ACTR8: variants seen among roughly 807,000 people sequenced by gnomAD.
ACTR8 encodes the protein actin-related protein 8.
A neutral mutation model predicts 84.3 loss-of-function variants in ACTR8; 70 were observed. The observed-to-expected ratio is 0.83, with a 90% confidence interval of 0.68 to 1.01. ACTR8 has a LOEUF of 1.01. Among genes scored for constraint, ACTR8 ranks in the 50% least tolerant of loss-of-function variants. The pLI is 0.00. For synonymous variants in ACTR8, 268 were observed against 275.2 expected, an observed-to-expected ratio of 0.97 and a Z score of 0.26; for missense variants, 672 against 775.4, an observed-to-expected ratio of 0.87 and a Z score of 1.58.
downstream of ACTR8, chr3:53,865,381 C>T: frequency 1.6e-6 from 2 of 1,212,258 alleles, no homozygotes; most frequent in Non-Finnish European, 2.3e-6. Flanking sequence ...GTGTGATGAT[C>T]CTGAAGCTTA....
chr3:53,863,416 C>T (rs1258683421), downstream of ACTR8, among the ~76,000 whole-genome samples: 1 of 152,124 alleles, frequency 6.6e-6, no homozygotes, highest in Non-Finnish European at 1.5e-5. Flanking sequence ...CTCCTCTTCT[C>T]CATATGTAGG....
In ACTR8 at chr3:53,882,118, C is replaced by T; in HGVS notation, c.-17G>A. 1.9e-6 allele frequency: 3 copies of T among 1,551,192 alleles called. No individual in the cohort carries two copies. Among genetic ancestry groups the T allele is most frequent in the East Asian group, 2.4e-5 (1 of 40,900 alleles). Reference sequence around the variant, plus strand: ...CTGGGTCATTATGGCCGGAGACACCCACCAACCTCTCGCCTCAGCGCTGCA... The same window carrying T: ...CTGGGTCATTATGGCCGGAGACACCTACCAACCTCTCGCCTCAGCGCTGCA... On this transcript the variant is annotated 5_prime_UTR_variant, in exon 1 of 13. Coordinates refer to ENST00000335754, the MANE Select transcript of ACTR8 (RefSeq NM_022899.5).
At chr3:53,878,988 ACT>A (rs2107074154) in intron 2 of ACTR8, among the ~76,000 whole-genome samples, 2 of 152,176 alleles carry the variant, frequency 1.3e-5, no homozygotes, top group South Asian at 4.1e-4. Context: ...TATTTCAGAG[ACT>A]CTTCCATACA....
At chr3:53,860,778 G>GA in the ACTR8 span, 2 of 151,910 alleles carry the variant, frequency 1.3e-5, no homozygotes, top group Non-Finnish European at 2.9e-5. Flanking sequence ...AAAAAATGAA[G>GA]AAAAAGGTAT....
chr3:53,860,165 C>T, the ACTR8 span: 1 of 1,614,130 alleles, frequency 6.2e-7, no homozygotes, highest in Non-Finnish European at 8.5e-7. Flanking sequence ...GCCTCTCCTC[C>T]TGCTGTCTCT....
chr3:53,881,544 C>G lies in ACTR8; in HGVS notation c.123+435G>C. On this transcript the variant is annotated intron_variant, in intron 1 of 12. Coordinates refer to ENST00000335754, the MANE Select transcript of ACTR8 (RefSeq NM_022899.5). ...GAGATTTCCTTAACAAAGGAAAAAG[C>G]CTGGACCCCAAACTATCCCTTAACA... The G allele has an allele frequency of 1.7e-5, 4 of 232,896 alleles. No individual in the cohort carries two copies. In the South Asian group the frequency reaches 2.0e-4, roughly 12 times the overall value. The allele number at this position is 232,896 out of a possible 1,614,324, so 14.4% of individuals were successfully genotyped here.
At chr3:53,874,830 G>A (rs1699942214) in intron 7 of ACTR8, among the ~76,000 whole-genome samples, 1 of 152,148 alleles carries the variant, frequency 6.6e-6, no homozygotes, top group Non-Finnish European at 1.5e-5. Flanking sequence ...TGAATGGATG[G>A]AAGAAGGGAG....
chr3:53,878,894 C>G (rs1700017174), intron 2 of ACTR8, among the ~76,000 whole-genome samples: 1 of 152,202 alleles, frequency 6.6e-6, no homozygotes, highest in South Asian at 2.1e-4. Flanking sequence ...CACTATAAAA[C>G]AACTATATGC....
downstream of ACTR8, chr3:53,865,649 A>G (rs1470573901): frequency 5.4e-6 from 1 of 186,144 alleles, no homozygotes; most frequent in Non-Finnish European, 1.1e-5. Flanking sequence ...TGTTTAGCTA[A>G]TATTCTATGT....
intron 8 of ACTR8, 78 bp downstream of exon 8, chr3:53,874,133 A>G (rs370519235): frequency 4.1e-6 from 6 of 1,477,898 alleles, no homozygotes; most frequent in East Asian, 4.9e-5. Flanking sequence ...CAATGCTGTT[A>G]CATTTTTAAG....
At chr3:53,871,533 C>A in intron 10 of ACTR8, 37 bp from the exon 11 acceptor site, 1 of 1,608,472 alleles carries the variant, frequency 6.2e-7, no homozygotes, top group Non-Finnish European at 8.5e-7. Context: ...TGTGGTATTA[C>A]AACAACAGAA....
chr3:53,864,736 CCT>C (rs1182404888), downstream of ACTR8: 1 of 1,583,920 alleles, frequency 6.3e-7, no homozygotes, highest in African/African-American at 1.3e-5. Context: ...ATGCTTTTCT[CCT>C]CTCACAGAAA....
At chr3:53,866,024 A>AAAT (rs1699768962), downstream of ACTR8, among the ~76,000 whole-genome samples, 1 of 152,268 alleles carries the variant, frequency 6.6e-6, no homozygotes, top group Non-Finnish European at 1.5e-5. Context: ...TTCATGTTCA[A>AAAT]AATGAAAATA....
chr3:53,878,587 T>C, intron 2 of ACTR8, 120 bp from the exon 3 acceptor site: 1 of 687,690 alleles, frequency 1.5e-6, no homozygotes, highest in Non-Finnish European at 2.6e-6. Context: ...TAGCGTTTCC[T>C]TAATCTTTAT....
intron 9 of ACTR8, among the ~76,000 whole-genome samples, 162 bp downstream of exon 9, chr3:53,872,870 C>T (rs1371915470): frequency 6.6e-6 from 1 of 152,180 alleles, no homozygotes; most frequent in African/African-American, 2.4e-5. Context: ...TCTTCAGATC[C>T]ATTCTAGTCT....
chr3:53,871,462 G>A lies in ACTR8; in HGVS notation c.1337C>T (p.Ser446Phe). 1 of 1,614,182 alleles carries A rather than the reference G, an allele frequency of 6.2e-7. No homozygotes were observed. Among genetic ancestry groups the A allele is most frequent in the Non-Finnish European group, 8.5e-7 (1 of 1,180,036 alleles). ...AKATADRKSA[S>F]KPIGFEGDLR... Reference sequence around the variant, plus strand: ...ATCCCCTTCAAATCCAATAGGTTTGGATGCAGACTTTCGGTCAGCAGTAGC... The same window carrying A: ...ATCCCCTTCAAATCCAATAGGTTTGAATGCAGACTTTCGGTCAGCAGTAGC... Residue 446 changes from serine (S) to phenylalanine (F), a missense_variant, in exon 11 of 13, where the codon TCC becomes TTC. Physicochemically the swap from Ser to Phe is radical, Grantham distance 155 (BLOSUM62 -2). Transcript: ENST00000335754.
At chr3:53,862,513 A>G (rs572159374), downstream of ACTR8, among the ~76,000 whole-genome samples, 1 of 152,228 alleles carries the variant, frequency 6.6e-6, no homozygotes, top group East Asian at 1.9e-4. Context: ...CCAATCAAGG[A>G]AAGAGATTGT....
chr3:53,876,092 A>G lies in ACTR8; in HGVS notation c.779-12T>C, dbSNP rs201834192. On this transcript the variant is annotated splice_polypyrimidine_tract_variant and intron_variant, in intron 6 of 12. Coordinates refer to ENST00000335754, the MANE Select transcript of ACTR8 (RefSeq NM_022899.5). ...ATGGACCACAATCCCTGGGGGGGGA[A>G]AAGAAAAGGCAGAGTAGTCATTAGC... is the stretch of plus-strand genomic sequence containing the variant. 1 of 1,589,166 alleles carries G rather than the reference A, an allele frequency of 6.3e-7. No individual in the cohort carries two copies. The highest frequency in any genetic ancestry group is 2.3e-5 in the East Asian group (1 of 42,838).
chr3:53,877,928 TTC>T (rs1455778593), intron 3 of ACTR8, among the ~76,000 whole-genome samples, 177 bp from the exon 4 acceptor site: 1 of 152,184 alleles, frequency 6.6e-6, no homozygotes, highest in Non-Finnish European at 1.5e-5. Flanking sequence ...AATCTTGGGG[TTC>T]TTTTTCCCCC....
Sources: gnomAD v4.1 joint callset for allele counts (sites outside exome capture counted in the v4.1 genomes callset) on GRCh38, gnomAD v4.1.1 for gene constraint, MANE v1.5 for transcripts, NCBI Gene and HGNC (gene_info 2026-07-23, HGNC 2026-07-21) for gene names.